Variants in SDK1 observed in about 807,000 individuals in gnomAD.
SDK1 encodes the protein protein sidekick-1.
SDK1 carries 157 observed loss-of-function variants against 245.5 expected under a neutral mutation model. The observed-to-expected ratio is 0.64, with a 90% CI of 0.56 to 0.73. SDK1 has a LOEUF of 0.73. Among genes scored for constraint, SDK1 ranks in the 30% least tolerant of loss-of-function variants. The pLI is 0.00. For synonymous variants in SDK1, 1,647 were observed against 1,278.5 expected (o/e 1.29, Z -6.15); for missense variants, 3,583 against 3,002.3 (o/e 1.19, Z -4.52).
chr7:3,316,583 T>C (rs1338356109), intron 1 of SDK1, among the ~76,000 whole-genome samples: 1 of 152,188 alleles, frequency 6.6e-6, no homozygotes, highest in Non-Finnish European at 1.5e-5. Context: ...ATATATGCTG[T>C]AGTGTAGTAG....
In SDK1 at chr7:3,392,961, AT is replaced by A. The variant is rs572782966; in HGVS notation, c.298+91096del. ...GTATCTGTTTGAGTCCCTGTTTTAAATTTTTTTTTTTTTTTTTTTCTTTTTT... is the reference window on the plus strand; with the variant it reads ...GTATCTGTTTGAGTCCCTGTTTTAAATTTTTTTTTTTTTTTTTTCTTTTTT... On this transcript the variant is annotated intron_variant, in intron 1 of 44. Coordinates refer to ENST00000404826, the MANE Select transcript of SDK1 (RefSeq NM_152744.4). Among the ~76,000 whole-genome samples, 228 of 87,112 alleles carry A rather than the reference AT, an allele frequency of 2.6e-3. 1 individual carries two copies. Among genetic ancestry groups the A allele is most frequent in the East Asian group, 8.1e-3 (25 of 3,096 alleles). The allele number at this position is 87,112 out of a possible 152,430, so 57.1% of individuals were successfully genotyped here.
intron 1 of SDK1, among the ~76,000 whole-genome samples, chr7:3,404,532 G>A (rs1779001428): frequency 1.3e-5 from 2 of 152,184 alleles, no homozygotes; most frequent in Admixed American, 6.5e-5. Flanking sequence ...CTGCCCTTAG[G>A]CTTGACATTA....
chr7:3,622,201 G>C (rs575811590), intron 2 of SDK1, among the ~76,000 whole-genome samples: 2 of 152,218 alleles, frequency 1.3e-5, no homozygotes, highest in Admixed American at 1.3e-4. Context: ...TTGTAGGCCC[G>C]GCGCAGTGGC....
At chr7:3,458,740 G>A (rs1780746132) in intron 1 of SDK1, among the ~76,000 whole-genome samples, 2 of 152,172 alleles carry the variant, frequency 1.3e-5, no homozygotes, top group East Asian at 1.9e-4. Context: ...CCAGTGCAGC[G>A]CAGTGTCACC....
chr7:3,621,629 T>A (rs1157334497), intron 2 of SDK1, among the ~76,000 whole-genome samples: 2 of 152,176 alleles, frequency 1.3e-5, no homozygotes, highest in Non-Finnish European at 2.9e-5. Context: ...AACAGGCCTT[T>A]GTGTAGGCAC....
intron 5 of SDK1, among the ~76,000 whole-genome samples, chr7:3,926,504 A>G (rs1779773648): frequency 6.6e-6 from 1 of 152,154 alleles, no homozygotes; most frequent in African/African-American, 2.4e-5. Flanking sequence ...TCTTTCACCC[A>G]GTCTGGAGTG....
intron 22 of SDK1, among the ~76,000 whole-genome samples, chr7:4,090,817 C>G (rs990339077): frequency 2.6e-5 from 4 of 152,178 alleles, no homozygotes; most frequent in Admixed American, 6.5e-5. Flanking sequence ...GTTTCTATAT[C>G]TAGCCACACA....
At chr7:4,203,483 A>C (rs1486029633) in intron 35 of SDK1, among the ~76,000 whole-genome samples, 2 of 152,088 alleles carry the variant, frequency 1.3e-5, no homozygotes, top group Non-Finnish European at 2.9e-5. Context: ...AGACGCCAGC[A>C]ATTGCCGGTC....
intron 7 of SDK1, among the ~76,000 whole-genome samples, chr7:3,955,128 C>T (rs148334091): frequency 8.5e-4 from 129 of 152,302 alleles, no homozygotes; most frequent in African/African-American, 3.1e-3. Context: ...AGCACGATGG[C>T]TCGGAAACTC....
intron 1 of SDK1, among the ~76,000 whole-genome samples, chr7:3,433,512 C>T (rs1779928543): frequency 6.6e-6 from 1 of 151,948 alleles, no homozygotes; most frequent in African/African-American, 2.4e-5. Flanking sequence ...TCTGCATCTC[C>T]TCCTTTTTCT....
rs1033552745 is a variant in SDK1 at position 4,267,092 on chromosome 7, C to T, written c.*1708C>T. The T allele has an allele frequency of 5.1e-6, 5 of 985,298 alleles. No individual in the cohort carries two copies. Among genetic ancestry groups the T allele is most frequent in the Non-Finnish European group, 6.0e-6 (5 of 829,958 alleles). 61.0% of individuals were successfully genotyped at this position (985,298 alleles called of 1,614,324 possible). ...CGTTGCTGAGTATGGCCCCAGGAGA[C>T]CAAGGAGAGTTTTGTATAGGCTGGA... On this transcript the variant is annotated 3_prime_UTR_variant, in exon 45 of 45. Transcript: ENST00000404826.
chr7:3,662,704 T>C (rs1372456021), intron 4 of SDK1, among the ~76,000 whole-genome samples: 4 of 152,244 alleles, frequency 2.6e-5, no homozygotes, highest in Admixed American at 1.3e-4. Context: ...GTACAGTGTT[T>C]ATATACGTAT....
Position 4,265,276 on chromosome 7 carries a change from G to C in SDK1, c.6534G>C (p.Ala2178=). Reference sequence around the variant, plus strand: ...ACGAGGCGGTGGCGGGCTCCGAGGCGGGCGCGCAGCTGCACCCGGTCATCA... The same window carrying C: ...ACGAGGCGGTGGCGGGCTCCGAGGCCGGCGCGCAGCTGCACCCGGTCATCA... ...HRYEAVAGSE[A]GAQLHPVITT... is the part of the protein sequence containing the mutation. Residue 2178 remains alanine (A), a synonymous_variant, in exon 45 of 45, where the codon GCG becomes GCC. Transcript: ENST00000404826. 1 of 1,590,708 alleles carries C rather than the reference G, an allele frequency of 6.3e-7. No homozygotes were observed. Among genetic ancestry groups the C allele is most frequent in the Non-Finnish European group, 8.5e-7 (1 of 1,174,506 alleles).
chr7:3,457,778 C>A (rs1420836266), intron 1 of SDK1, among the ~76,000 whole-genome samples: 1 of 152,316 alleles, frequency 6.6e-6, no homozygotes, highest in African/African-American at 2.4e-5. Flanking sequence ...CACACCACCA[C>A]CTTCTCCCTG....
chr7:4,037,642 C>A (rs914073340), intron 17 of SDK1, among the ~76,000 whole-genome samples: 1 of 152,100 alleles, frequency 6.6e-6, no homozygotes, highest in Admixed American at 6.6e-5. Flanking sequence ...AAAATAGCTT[C>A]TTTTGTCAAA....
At chr7:4,131,732 C>A (rs1331006637) in intron 27 of SDK1, among the ~76,000 whole-genome samples, 1 of 151,958 alleles carries the variant, frequency 6.6e-6, no homozygotes, top group East Asian at 1.9e-4. Context: ...GTTATTGGTG[C>A]CCCGAACCAC....
intron 35 of SDK1, among the ~76,000 whole-genome samples, chr7:4,190,902 G>A (rs1302620747): frequency 6.6e-6 from 1 of 152,214 alleles, no homozygotes; most frequent in African/African-American, 2.4e-5. Flanking sequence ...TGGGCCGGAG[G>A]GTGGAGGGCG....
intron 1 of SDK1, among the ~76,000 whole-genome samples, chr7:3,517,663 C>T (rs984680444): frequency 6.6e-6 from 1 of 152,094 alleles, no homozygotes. Context: ...GCAGGTTGTC[C>T]ATGTTGATGC....
intron 1 of SDK1, among the ~76,000 whole-genome samples, chr7:3,466,472 C>A (rs1004433289): frequency 6.9e-6 from 1 of 144,704 alleles, no homozygotes; most frequent in African/African-American, 2.6e-5. Context: ...GCGTCCTAAT[C>A]TCAAGGATCC....
Sources: gnomAD v4.1 joint callset for allele counts (sites outside exome capture counted in the v4.1 genomes callset) on GRCh38, gnomAD v4.1.1 for gene constraint, MANE v1.5 for transcripts, NCBI Gene and HGNC (gene_info 2026-07-23, HGNC 2026-07-21) for gene names.